Variants in GPR158 observed in about 807,000 individuals in gnomAD.
GPR158 encodes metabotropic glycine receptor.
In GPR158, 30 loss-of-function variants were observed where a neutral mutation model predicts 78.2. The observed-to-expected ratio is 0.38, with a 90% CI of 0.29 to 0.52. GPR158 has a LOEUF of 0.52. GPR158 is among the 20% of genes least tolerant of loss of function. The pLI is 0.83. For missense variants in GPR158, 1,463 were observed against 1,523.5 expected (o/e 0.96, Z 0.66); for synonymous variants, 581 against 591.1 (o/e 0.98, Z 0.25).
At chr10:25,593,945 C>T (rs945888360) in intron 8 of GPR158, among the ~76,000 whole-genome samples, 6 of 152,106 alleles carry the variant, frequency 3.9e-5, no homozygotes, top group African/African-American at 1.4e-4. Flanking sequence ...ACTGATAACT[C>T]TACAAATTTG....
chr10:25,555,638 G>A (rs1262017698), intron 6 of GPR158, among the ~76,000 whole-genome samples: 4 of 151,920 alleles, frequency 2.6e-5, no homozygotes, highest in Non-Finnish European at 2.9e-5. Context: ...ATGAAAGGGG[G>A]TGAAAAAAGA....
chr10:25,332,202 T>C (rs1015268221), intron 2 of GPR158, among the ~76,000 whole-genome samples: 1 of 152,180 alleles, frequency 6.6e-6, no homozygotes, highest in Non-Finnish European at 1.5e-5. Flanking sequence ...CCAGTGATTC[T>C]GATGTGCTGA....
At chr10:25,265,650 C>T (rs1308155292) in intron 2 of GPR158, among the ~76,000 whole-genome samples, 1 of 152,090 alleles carries the variant, frequency 6.6e-6, no homozygotes, top group Non-Finnish European at 1.5e-5. Flanking sequence ...AGGTAGGAAG[C>T]ACAAAGCAGG....
intron 6 of GPR158, among the ~76,000 whole-genome samples, chr10:25,569,879 T>C (rs1588916934): frequency 6.6e-6 from 1 of 152,208 alleles, no homozygotes; most frequent in South Asian, 2.1e-4. Context: ...TTATATCTTA[T>C]ACCTTCCACA....
chr10:25,341,641 G>A (rs1855303717), intron 2 of GPR158, among the ~76,000 whole-genome samples: 1 of 151,786 alleles, frequency 6.6e-6, no homozygotes, highest in African/African-American at 2.4e-5. Context: ...TGCCAGCAGT[G>A]GAAAATCCTT....
chr10:25,205,016 C>T (rs1424182159), intron 1 of GPR158, among the ~76,000 whole-genome samples: 4 of 152,002 alleles, frequency 2.6e-5, no homozygotes, highest in Non-Finnish European at 1.5e-5. Flanking sequence ...GAATAAGTCT[C>T]ATGAGACCTG....
chr10:25,231,538 C>G (rs1195247827), intron 2 of GPR158, among the ~76,000 whole-genome samples: 3 of 152,020 alleles, frequency 2.0e-5, no homozygotes, highest in African/African-American at 4.8e-5. Context: ...ATCTGTTGCT[C>G]TAATGTTAGG....
intron 2 of GPR158, among the ~76,000 whole-genome samples, chr10:25,297,394 A>G (rs1047398145): frequency 9.2e-5 from 14 of 152,114 alleles, no homozygotes; most frequent in African/African-American, 3.4e-4. Context: ...ACATAAGCAA[A>G]TGAGTGAATC....
chr10:25,334,094 T>G (rs1388383162), intron 2 of GPR158, among the ~76,000 whole-genome samples: 1 of 152,070 alleles, frequency 6.6e-6, no homozygotes, highest in Non-Finnish European at 1.5e-5. Context: ...GAGAGTGATA[T>G]CCTACTAGAA....
At chr10:25,364,827 G>A (rs969686176) in intron 2 of GPR158, among the ~76,000 whole-genome samples, 1 of 151,760 alleles carries the variant, frequency 6.6e-6, no homozygotes, top group Admixed American at 6.6e-5. Flanking sequence ...CCGGTCAAAT[G>A]TGTTTGTTTT....
chr10:25,200,868 G>GTTTTTTTTTT (rs56696555), intron 1 of GPR158, among the ~76,000 whole-genome samples: 1 of 113,302 alleles, frequency 8.8e-6, no homozygotes, highest in Non-Finnish European at 1.9e-5. Context: ...TTTTTGTTTT[G>GTTTTTTTTTT]TTTTTTTTTT....
chr10:25,415,391 A>C (rs559887562), intron 4 of GPR158, among the ~76,000 whole-genome samples: 1 of 152,220 alleles, frequency 6.6e-6, no homozygotes, highest in Admixed American at 6.5e-5. Flanking sequence ...GAAAATATAT[A>C]TATATAAGCC....
intron 5 of GPR158, among the ~76,000 whole-genome samples, chr10:25,483,788 G>C (rs573000847): frequency 1.3e-5 from 2 of 152,054 alleles, no homozygotes; most frequent in East Asian, 1.9e-4. Context: ...ACAAATTCTT[G>C]TACCTTTTAA....
intron 2 of GPR158, among the ~76,000 whole-genome samples, chr10:25,291,780 GA>G (rs144642968): frequency 0.093 from 14,160 of 151,830 alleles, 1,323 homozygotes; most frequent in East Asian, 0.43. Flanking sequence ...CAAGGGAAGT[GA>G]AAAAAAGGAA....
intron 8 of GPR158, among the ~76,000 whole-genome samples, chr10:25,589,468 C>T (rs1333762452): frequency 1.3e-5 from 2 of 152,134 alleles, no homozygotes; most frequent in Admixed American, 6.5e-5. Context: ...TAATGCAATA[C>T]GTGCATACAT....
intron 5 of GPR158, among the ~76,000 whole-genome samples, chr10:25,499,722 A>G (rs897017670): frequency 2.0e-5 from 3 of 152,232 alleles, no homozygotes; most frequent in African/African-American, 7.2e-5. Context: ...AAAGAAATAA[A>G]TGAAGACAAG....
chr10:25,494,029 T>C (rs1034321057), intron 5 of GPR158, among the ~76,000 whole-genome samples: 2 of 152,188 alleles, frequency 1.3e-5, no homozygotes, highest in African/African-American at 4.8e-5. Context: ...TTCTACAGTA[T>C]ATTAGAGCTG....
At chr10:25,243,861 T>C (rs1223825792) in intron 2 of GPR158, among the ~76,000 whole-genome samples, 1 of 152,214 alleles carries the variant, frequency 6.6e-6, no homozygotes, top group East Asian at 1.9e-4. Context: ...TACTAGAGTT[T>C]CCTTTATGTG....
chr10:25,421,525 A>T (rs1472820601), intron 4 of GPR158, among the ~76,000 whole-genome samples: 1 of 152,078 alleles, frequency 6.6e-6, no homozygotes, highest in Non-Finnish European at 1.5e-5. Context: ...TTTTTTCTTA[A>T]ACCTAATTCT....
Sources: gnomAD v4.1 joint callset for allele counts (sites outside exome capture counted in the v4.1 genomes callset) on GRCh38, gnomAD v4.1.1 for gene constraint, MANE v1.5 for transcripts, NCBI Gene and HGNC (gene_info 2026-07-23, HGNC 2026-07-21) for gene names.